RFX1: variants seen among roughly 807,000 people sequenced by gnomAD.
RFX1 encodes regulatory factor X1.
In RFX1, 42 loss-of-function variants were observed where a neutral mutation model predicts 119.6. The ratio of observed to expected loss-of-function variants is 0.35; its 90% CI spans 0.27 to 0.45. The LOEUF is 0.45. Ranked by LOEUF, RFX1 falls within the 20% of genes least tolerant of loss-of-function variation. The pLI is 1.00. For missense variants in RFX1, 1,118 were observed against 1,368.1 expected (o/e 0.82, Z 2.88); for synonymous variants, 628 against 618.5 (o/e 1.02, Z -0.23).
Position 13,967,039 on chromosome 19 carries a change from G to A in RFX1, c.1733-288C>T, listed in dbSNP as rs59874923. 5.5e-3 allele frequency among the ~76,000 whole-genome samples: 844 copies of A among 152,248 alleles called. 10 individuals are homozygous for A. Among genetic ancestry groups the A allele is most frequent in the African/African-American group, 0.019 (804 of 41,544 alleles). On this transcript the variant is annotated intron_variant, in intron 12 of 20. Transcript: ENST00000254325. ...GCCTCTGAGTCCCGGCTGCAACACA[G>A]CACCCACCTGGCCGGGGAATGGGTA...
chr19:13,982,795 C>A (rs1170803528), intron 4 of RFX1, among the ~76,000 whole-genome samples: 1 of 152,196 alleles, frequency 6.6e-6, no homozygotes, highest in East Asian at 1.9e-4. Flanking sequence ...TTGTCCAGAT[C>A]TGCGCTGATC....
At position 13,962,382 on chromosome 19, in the gene RFX1, C is replaced by T. The variant is rs1410989736; in HGVS notation, c.*313G>A. On this transcript the variant is annotated 3_prime_UTR_variant, in exon 21 of 21. Transcript: ENST00000254325. Reference sequence around the variant, plus strand: ...CCTGCCCCCTGGGGTGGTGGGAGGACGGGGCTGGGGAGAAGACGCTGGGGC... The same window carrying T: ...CCTGCCCCCTGGGGTGGTGGGAGGATGGGGCTGGGGAGAAGACGCTGGGGC... The T allele has an allele frequency of 2.7e-6, 1 of 376,088 alleles. No homozygotes were observed. Among genetic ancestry groups the T allele is most frequent in the East Asian group, 5.2e-5 (1 of 19,052 alleles). 23.3% of individuals were successfully genotyped at this position (376,088 alleles called of 1,614,324 possible).
chr19:13,977,047 A>G (rs1454174384), intron 8 of RFX1, among the ~76,000 whole-genome samples: 1 of 152,116 alleles, frequency 6.6e-6, no homozygotes, highest in Non-Finnish European at 1.5e-5. Context: ...CTGTAATCCC[A>G]GCACTTTGGG....
rs760485085 is a variant in RFX1, at chr19:13,993,489, AGAG to A, written c.319+33_319+35del. The A allele has an allele frequency of 2.5e-6, 4 of 1,582,604 alleles. No individual in the cohort carries two copies. The East Asian group carries it at 6.7e-5, about 27-fold the overall frequency. ...GGTCTAGGCTATCTGAACAACTCTG[AGAG>A]GAGTTTTCAGGACACACGAGCGCGG... On this transcript the variant is annotated intron_variant, in intron 2 of 20. Coordinates refer to ENST00000254325, the MANE Select transcript of RFX1 (RefSeq NM_002918.5).
intron 1 of RFX1, among the ~76,000 whole-genome samples, chr19:13,994,885 T>TATACATAC (rs1233481823): frequency 4.2e-5 from 4 of 94,922 alleles, no homozygotes; most frequent in African/African-American, 2.0e-4. Flanking sequence ...TATATTGAAA[T>TATACATAC]ATACATACAT....
intron 2 of RFX1, among the ~76,000 whole-genome samples, chr19:13,991,621 C>T (rs1974804115): frequency 6.6e-6 from 1 of 152,202 alleles, no homozygotes; most frequent in African/African-American, 2.4e-5. Context: ...AGGGCTCCAG[C>T]CCCATCTGCT....
chr19:13,983,244 C>T lies in RFX1; in HGVS notation c.456G>A (p.Gln152=), dbSNP rs765942427. Residue 152 remains glutamine (Q), a synonymous_variant, in exon 4 of 21, where the codon CAG becomes CAA. Coordinates refer to ENST00000254325, the MANE Select transcript of RFX1 (RefSeq NM_002918.5). The part of the protein sequence containing the change: ...QQRLLVQTSV[Q]AKPGHVSPLQ... ...GGGGCGACACGTGGCCTGGCTTGGC[C>T]TGCACGCTCGTCTGGACCAGCAGCC... The T allele has an allele frequency of 6.4e-7, 1 of 1,572,280 alleles. No homozygotes were observed. The highest frequency in any genetic ancestry group is 8.6e-7 in the Non-Finnish European group (1 of 1,163,710).
In RFX1 at chr19:13,986,473, G is replaced by A. The variant is rs1388838215; in HGVS notation, c.320-2878C>T. ...ACTCATGCGGATGAGGGCTTCCTGT[G>A]CAGCCATCCCTGTCTGCCTGCGGCC... On this transcript the variant is annotated intron_variant, in intron 2 of 20. Transcript: ENST00000254325. The surrounding 1 kb of genome is among the most constrained non-coding windows in gnomAD (Gnocchi z 4.2). Among the ~76,000 whole-genome samples the A allele has an allele frequency of 6.6e-6, 1 of 152,208 alleles. No homozygotes were observed. Among genetic ancestry groups the A allele is most frequent in the Non-Finnish European group, 1.5e-5 (1 of 68,024 alleles).
chr19:13,963,579 G>T lies in RFX1; in HGVS notation c.2529C>A (p.Pro843=). Residue 843 remains proline (P), a synonymous_variant, in exon 18 of 21, where the codon CCC becomes CCA. Coordinates refer to ENST00000254325, the MANE Select transcript of RFX1 (RefSeq NM_002918.5). ...TGAGGAGGAAGAGCTTGGCGGCCTT[G>T]GGGAAGCCGGCGCTGCCCTGGTAGG... is the stretch of plus-strand genomic sequence containing the variant. The part of the protein sequence containing the change: ...LKPYQGSAGF[P]KAAKLFLLKW... 1 of 1,604,874 alleles carries T rather than the reference G, an allele frequency of 6.2e-7. No individual in the cohort carries two copies.
Position 13,962,653 on chromosome 19 carries a change from T to TG in RFX1, c.*41dup. ...ACAGAAGCTTTGAGGGACCCTGGCG[T>TG]GGAGGGGTGGCGGGGGCGGGTGGGG... On this transcript the variant is annotated 3_prime_UTR_variant, in exon 21 of 21. Transcript: ENST00000254325. The TG allele has an allele frequency of 2.8e-6, 2 of 703,708 alleles. No homozygotes were observed. Among genetic ancestry groups the TG allele is most frequent in the Non-Finnish European group, 1.6e-6 (1 of 615,596 alleles). The allele number at this position is 703,708 out of a possible 1,614,324, so 43.6% of individuals were successfully genotyped here.
At position 13,986,128 on chromosome 19, in the gene RFX1, G is replaced by A. The variant is rs1211776419; in HGVS notation, c.320-2533C>T. Reference sequence around the variant, plus strand: ...GAAACCCGAGACAGCCCCGAGTCATGTGACCGGCACTGCACACCTGGGTCC... The same window carrying A: ...GAAACCCGAGACAGCCCCGAGTCATATGACCGGCACTGCACACCTGGGTCC... On this transcript the variant is annotated intron_variant, in intron 2 of 20. Coordinates refer to ENST00000254325, the MANE Select transcript of RFX1 (RefSeq NM_002918.5). The surrounding 1 kb of genome is among the most constrained non-coding windows in gnomAD (Gnocchi z 4.2). Among the ~76,000 whole-genome samples, 1 of 152,204 alleles carries A rather than the reference G, an allele frequency of 6.6e-6. No homozygotes were observed. The highest frequency in any genetic ancestry group is 6.5e-5 in the Admixed American group (1 of 15,286).
At chr19:13,999,859 A>T (rs1975155655) in intron 1 of RFX1, among the ~76,000 whole-genome samples, 1 of 152,034 alleles carries the variant, frequency 6.6e-6, no homozygotes, top group Non-Finnish European at 1.5e-5. Flanking sequence ...TATTTTTAGT[A>T]CAGATGGGGT....
chr19:13,983,530 C>A lies in RFX1; in HGVS notation c.385G>T (p.Gly129Cys). The A allele has an allele frequency of 1.9e-6, 3 of 1,611,804 alleles. No individual in the cohort carries two copies. The highest frequency in any genetic ancestry group is 2.5e-6 in the Non-Finnish European group (3 of 1,179,602). Reference protein sequence around the residue: ...ASPGSTASQTGVPTQVVQQVQ... With the variant: ...ASPGSTASQTCVPTQVVQQVQ... ...TGCTGAACCACCTGAGTAGGAACGC[C>A]GGTCTGGCTGGCGGTGGAGCCGGGG... is the stretch of plus-strand genomic sequence containing the variant. The change falls in exon 3 of 21, where the codon GGC becomes TGC. Residue 129 changes from glycine to cysteine, a missense_variant. Physicochemically the swap from Gly to Cys is radical, Grantham distance 159. Transcript: ENST00000254325.
In RFX1 at chr19:13,983,527, C is replaced by T. The variant is rs377552211; in HGVS notation, c.388G>A (p.Val130Ile). The T allele has an allele frequency of 1.8e-5, 29 of 1,611,654 alleles. No individual in the cohort carries two copies. The highest frequency in any genetic ancestry group is 2.2e-5 in the South Asian group (2 of 90,920). ...ACCTGCTGAACCACCTGAGTAGGAACGCCGGTCTGGCTGGCGGTGGAGCCG... is the reference window on the plus strand; with the variant it reads ...ACCTGCTGAACCACCTGAGTAGGAATGCCGGTCTGGCTGGCGGTGGAGCCG... ...SPGSTASQTG[V>I]PTQVVQQVQG... Residue 130 changes from valine (V) to isoleucine (I), a missense_variant, in exon 3 of 21, where the codon GTT becomes ATT. Physicochemically the swap from Val to Ile is conservative, Grantham distance 29. Around this residue, in one of 5 missense-constraint regions of RFX1, gnomAD observed 542 missense variants for 602.7 expected, o/e 0.90. Coordinates refer to ENST00000254325, the MANE Select transcript of RFX1 (RefSeq NM_002918.5).
rs1973795580 is a variant in RFX1 at position 13,963,684 on chromosome 19, G to T, written c.2424C>A (p.Phe808Leu). Residue 808 changes from phenylalanine to leucine, a missense_variant, in exon 18 of 21, where the codon TTC (phenylalanine) becomes TTA (leucine). Phe to Leu is a conservative substitution (Grantham distance 22, BLOSUM62 0). This residue lies in a region of RFX1 where 68 missense variants were observed against 67.2 expected (regional missense o/e 1.01). Transcript: ENST00000254325. Reference protein sequence around the residue: ...DRVVQRLEQDFKVTLQQQNSL... With the variant: ...DRVVQRLEQDLKVTLQQQNSL... ...AGTTCTGCTGCTGCAGCGTCACCTT[G>T]AAGTCCTGCTCCAGCCGCTGCACCA... The T allele has an allele frequency of 6.2e-7, 1 of 1,604,902 alleles. No homozygotes were observed. The highest frequency in any genetic ancestry group is 8.5e-7 in the Non-Finnish European group (1 of 1,177,988).
Position 13,969,094 on chromosome 19 carries a change from T to A in RFX1, c.1497-200A>T, listed in dbSNP as rs917383854. Reference sequence around the variant, plus strand: ...AGATCCAGCGGTTTGCCCAAGATTATGCATAAATGAATGGCTGAATGGATG... The same window carrying A: ...AGATCCAGCGGTTTGCCCAAGATTAAGCATAAATGAATGGCTGAATGGATG... On this transcript the variant is annotated intron_variant, in intron 10 of 20. Coordinates refer to ENST00000254325, the MANE Select transcript of RFX1 (RefSeq NM_002918.5). This position sits in a 1 kb window ranked among gnomAD's most constrained non-coding sequence, Gnocchi z 4.5. Among the ~76,000 whole-genome samples the A allele has an allele frequency of 3.9e-5, 6 of 152,178 alleles. No homozygotes were observed. The highest frequency in any genetic ancestry group is 5.9e-5 in the Non-Finnish European group (4 of 68,042).
In RFX1 at chr19:14,001,789, T is replaced by C. The variant is rs140473144; in HGVS notation, c.-53+4314A>G. ...GCTGAGGCGGGCAGATCGCCTGAAG[T>C]CAGAATTTCAAGTCTAGCCTGGCCA... On this transcript the variant is annotated intron_variant, in intron 1 of 20. Coordinates refer to ENST00000254325, the MANE Select transcript of RFX1 (RefSeq NM_002918.5). 3.5e-3 allele frequency among the ~76,000 whole-genome samples: 534 copies of C among 152,176 alleles called. 4 individuals are homozygous for C. Among genetic ancestry groups the C allele is most frequent in the African/African-American group, 0.012 (511 of 41,518 alleles).
At chr19:13,997,515 G>C (rs921413789) in intron 1 of RFX1, among the ~76,000 whole-genome samples, 1 of 152,234 alleles carries the variant, frequency 6.6e-6, no homozygotes, top group Non-Finnish European at 1.5e-5. Flanking sequence ...CTCCTTCACT[G>C]CCCAGGGCCC....
intron 2 of RFX1, among the ~76,000 whole-genome samples, chr19:13,987,814 C>A (rs530522346): frequency 6.6e-6 from 1 of 152,154 alleles, no homozygotes; most frequent in Non-Finnish European, 1.5e-5. Context: ...ACTAAGCTAC[C>A]GCCTGACCAA....
Sources: gnomAD v4.1 joint callset for allele counts (sites outside exome capture counted in the v4.1 genomes callset) on GRCh38, gnomAD v4.1.1 for gene constraint, gnomAD v4.1.1 regional missense constraint, Gnocchi (gnomAD v3.1) non-coding constraint, MANE v1.5 for transcripts, NCBI Gene and HGNC (gene_info 2026-07-23, HGNC 2026-07-21) for gene names.